Variants in JAG2 observed in about 807,000 individuals in gnomAD.
JAG2 encodes jagged canonical Notch ligand 2.
A neutral mutation model predicts 141.7 loss-of-function variants in JAG2; 46 were observed. The ratio of observed to expected loss-of-function variants is 0.32; its 90% CI spans 0.26 to 0.42. The LOEUF is 0.42. Ranked by LOEUF, JAG2 falls within the 10% of genes least tolerant of loss-of-function variation. The pLI is 1.00. For missense variants in JAG2, 1,500 were observed against 1,817.5 expected, an observed-to-expected ratio of 0.83 and a Z score of 3.18; for synonymous variants, 862 against 763.5, an observed-to-expected ratio of 1.13 and a Z score of -2.13.
In JAG2 at chr14:105,167,005, T is replaced by C. The variant is rs1189254328; in HGVS notation, c.417+752A>G. Among the ~76,000 whole-genome samples, 1 of 151,952 alleles carries C rather than the reference T, an allele frequency of 6.6e-6. No individual in the cohort carries two copies. Among genetic ancestry groups the C allele is most frequent in the African/African-American group, 2.4e-5 (1 of 41,336 alleles). On this transcript the variant is annotated intron_variant, in intron 2 of 25. Transcript: ENST00000331782. The surrounding 1 kb of genome is among the most constrained non-coding windows in gnomAD (Gnocchi z 4.8). The stretch of plus-strand genomic sequence containing the variant: ...CCACCTGCCAGCCCACTGGGATGAG[T>C]ACCTGTTTCCCAGTGACACTGGACC...
chr14:105,166,756 G>GGC (rs1888923962), intron 2 of JAG2, among the ~76,000 whole-genome samples: 1 of 152,190 alleles, frequency 6.6e-6, no homozygotes, highest in African/African-American at 2.4e-5. Flanking sequence ...ATACCAGGTG[G>GGC]GCACACTCCG....
At chr14:105,150,511 C>A in intron 12 of JAG2, 93 bp downstream of exon 12, 1 of 1,322,842 alleles carries the variant, frequency 7.6e-7, no homozygotes, top group East Asian at 2.5e-5. Context: ...CCTGCAGCAC[C>A]CCTGGGTCAC....
intron 20 of JAG2, 159 bp downstream of exon 20, chr14:105,147,167 C>A: frequency 2.9e-6 from 2 of 686,646 alleles, no homozygotes; most frequent in Admixed American, 2.1e-5. Context: ...AGGAACCCCA[C>A]AGGGCACAGA....
chr14:105,164,821 G>A (rs1888861883), intron 2 of JAG2, among the ~76,000 whole-genome samples: 2 of 152,170 alleles, frequency 1.3e-5, no homozygotes, highest in Non-Finnish European at 2.9e-5. Flanking sequence ...CGTGAGACCT[G>A]CAATGAAAAA....
intron 3 of JAG2, among the ~76,000 whole-genome samples, chr14:105,156,541 T>C (rs147680795): frequency 6.6e-6 from 1 of 151,596 alleles, no homozygotes; most frequent in Non-Finnish European, 1.5e-5. Flanking sequence ...CGTGACCCGC[T>C]GTCTAAGCCT....
intron 3 of JAG2, 34 bp downstream of exon 3, chr14:105,157,672 A>C (rs758039714): frequency 3.2e-6 from 5 of 1,543,724 alleles, no homozygotes; most frequent in Non-Finnish European, 4.4e-6. Flanking sequence ...GCTGAAGCTG[A>C]GAGGAGCTGC....
rs587759684 is a variant in JAG2 at position 105,154,399 on chromosome 14, G to A, written c.788+1163C>T. Among the ~76,000 whole-genome samples the A allele has an allele frequency of 2.5e-4, 38 of 152,134 alleles. No homozygotes were observed. The highest frequency in any genetic ancestry group is 8.7e-4 in the African/African-American group (36 of 41,492). On this transcript the variant is annotated intron_variant, in intron 5 of 25. Coordinates refer to ENST00000331782, the MANE Select transcript of JAG2 (RefSeq NM_002226.5). The surrounding 1 kb of genome is among the most constrained non-coding windows in gnomAD (Gnocchi z 4.4). The stretch of plus-strand genomic sequence containing the variant: ...CCCAGCTTGCTCACGCACAGTGAGC[G>A]CCACGGCTCGAAGCCCGTGCCCACC...
intron 2 of JAG2, among the ~76,000 whole-genome samples, chr14:105,162,182 C>T (rs1888767630): frequency 6.6e-6 from 1 of 152,044 alleles, no homozygotes. Context: ...TCAAGGCCAG[C>T]CTAGCAGGGC....
chr14:105,160,276 C>A (rs1475650254), intron 2 of JAG2, among the ~76,000 whole-genome samples: 7 of 99,902 alleles, frequency 7.0e-5, no homozygotes, highest in African/African-American at 3.0e-4. Context: ...GCTCAGAGCA[C>A]CCTTGGGGTT....
At position 105,143,566 on chromosome 14, in the gene JAG2, T is replaced by C. The variant is rs774645077; in HGVS notation, c.3157A>G (p.Ile1053Val). ...QGAAHAIVAA[I>V]TQRGNSSLLL... ...AGTGAGCTGTTCCCCCGCTGGGTGATGGCGGCCACGATGGCGTGGGCCGCG... is the reference window on the plus strand; with the variant it reads ...AGTGAGCTGTTCCCCCGCTGGGTGACGGCGGCCACGATGGCGTGGGCCGCG... Residue 1053 changes from isoleucine (I) to valine (V), a missense_variant, in exon 25 of 26, where the codon ATC becomes GTC. By Grantham distance (29) the Ile-to-Val change is conservative. Coordinates refer to ENST00000331782, the MANE Select transcript of JAG2 (RefSeq NM_002226.5). 2.5e-6 allele frequency: 4 copies of C among 1,602,592 alleles called. No individual in the cohort carries two copies. The African/African-American group carries it at 5.3e-5, about 21-fold the overall frequency.
chr14:105,168,309 G>A (rs1268250629), intron 1 of JAG2, 46 bp downstream of exon 1: 2 of 707,864 alleles, frequency 2.8e-6, no homozygotes, highest in Non-Finnish European at 3.5e-6. Context: ...GGGGCGGCCC[G>A]GTGTGCCCCG....
intron 3 of JAG2, 99 bp downstream of exon 3, chr14:105,157,607 G>C (rs61999505): frequency 8.6e-7 from 1 of 1,163,464 alleles, no homozygotes; most frequent in East Asian, 2.5e-5. Flanking sequence ...GATCCTCAGG[G>C]TAAAGCAAGG....
At chr14:105,150,933 C>A in intron 10 of JAG2, 22 bp from the exon 11 acceptor site, 1 of 1,597,358 alleles carries the variant, frequency 6.3e-7, no homozygotes, top group Non-Finnish European at 8.5e-7. Context: ...GGAGCAGGGT[C>A]AGAGGCGGGG....
chr14:105,143,758 C>T (rs1436590262), intron 24 of JAG2, 120 bp from the exon 25 acceptor site: 42 of 1,253,948 alleles, frequency 3.3e-5, no homozygotes, highest in South Asian at 3.2e-4. Context: ...GACGAGAGCC[C>T]GGGGTCCTGC....
Position 105,146,706 on chromosome 14 carries a change from G to A in JAG2, c.2498C>T (p.Ser833Phe), listed in dbSNP as rs761428298. The A allele has an allele frequency of 6.2e-7, 1 of 1,612,540 alleles. No homozygotes were observed. The highest frequency in any genetic ancestry group is 1.1e-5 in the South Asian group (1 of 91,074). The change falls in exon 21 of 26, where the codon TCC (serine) becomes TTC (phenylalanine). Residue 833 changes from serine (S) to phenylalanine (F), a missense_variant. Physicochemically the swap from Ser to Phe is radical, Grantham distance 155. Around this residue, in one of 3 missense-constraint regions of JAG2, gnomAD observed 875 missense variants for 1,202.2 expected, o/e 0.73. Transcript: ENST00000331782. Reference protein sequence around the residue: ...DCRINIDECQSSPCAYGATCV... With the variant: ...DCRINIDECQFSPCAYGATCV... ...CGTGGCCCCGTAGGCACAGGGCGAG[G>A]ACTGGCACTCGTCGATGTCTGCAGG... is the stretch of plus-strand genomic sequence containing the variant.
At chr14:105,162,860 T>C (rs1381729764) in intron 2 of JAG2, among the ~76,000 whole-genome samples, 3 of 151,240 alleles carry the variant, frequency 2.0e-5, no homozygotes, top group Admixed American at 1.3e-4. Context: ...GCACACCTCA[T>C]GGCCCAGGGT....
chr14:105,148,416 G>C lies in JAG2; in HGVS notation c.2044C>G (p.Pro682Ala). The change falls in exon 16 of 26, where the codon CCC becomes GCC. Residue 682 changes from proline to alanine, a missense_variant. Transcript: ENST00000331782. ...TAGCAGCGGCCGCGGCTGTGGCAGG[G>C]ATCGGGAAGGCAGTCGTTGGGATCT... is the stretch of plus-strand genomic sequence containing the variant. Reference protein sequence around the residue: ...DTNPNDCLPDPCHSRGRCYDL... With the variant: ...DTNPNDCLPDACHSRGRCYDL... 1 of 1,611,964 alleles carries C rather than the reference G, an allele frequency of 6.2e-7. No homozygotes were observed. The highest frequency in any genetic ancestry group is 8.5e-7 in the Non-Finnish European group (1 of 1,179,448).
rs779500604 is a variant in JAG2, at chr14:105,155,795, C to T, written c.670G>A (p.Asp224Asn). The change falls in exon 4 of 26, where the codon GAC becomes AAC. Residue 224 changes from aspartate (D) to asparagine (N), a missense_variant. Around this residue, in one of 3 missense-constraint regions of JAG2, gnomAD observed 875 missense variants for 1,202.2 expected, o/e 0.73. Transcript: ENST00000331782. ...RNDFFGHYTC[D>N]QYGNKACMDG... ...ATGCAGGCCTTGTTGCCGTACTGGT[C>T]GCAGGTGTAGTGGCCGAAAAAGTCG... 3.1e-6 allele frequency: 5 copies of T among 1,612,816 alleles called. No homozygotes were observed. Among genetic ancestry groups the T allele is most frequent in the Non-Finnish European group, 1.7e-6 (2 of 1,179,928 alleles).
chr14:105,145,827 T>C lies in JAG2; in HGVS notation c.2856A>G (p.Glu952=), dbSNP rs1888205590. The C allele has an allele frequency of 1.3e-5, 20 of 1,563,884 alleles. No homozygotes were observed. The African/African-American group carries it at 1.4e-4, about 11-fold the overall frequency. ...PCEAWGECGA[E]EPPSTPCLPR... is the part of the protein sequence containing the mutation. The stretch of plus-strand genomic sequence containing the variant: ...GCAGGCAGGGGGTGCTCGGTGGCTC[T>C]TCTGCGCCGCACTCCCCCCAGGCCT... The change falls in exon 23 of 26, where the codon GAA becomes GAG. Residue 952 remains glutamate, a synonymous_variant. Transcript: ENST00000331782.
Sources: gnomAD v4.1 joint callset for allele counts (sites outside exome capture counted in the v4.1 genomes callset) on GRCh38, gnomAD v4.1.1 for gene constraint, gnomAD v4.1.1 regional missense constraint, Gnocchi (gnomAD v3.1) non-coding constraint, MANE v1.5 for transcripts, NCBI Gene and HGNC (gene_info 2026-07-23, HGNC 2026-07-21) for gene names.